The following SORCS2 variants were observed in gnomAD, a reference collection of about 807,000 sequenced individuals.
SORCS2 encodes the protein sortilin related VPS10 domain containing receptor 2, also known as VPS10 domain-containing receptor SorCS2.
A neutral mutation model predicts 141.6 loss-of-function variants in SORCS2; 100 were observed. That is an observed-to-expected ratio of 0.71 (90% CI 0.60 to 0.83). SORCS2 has a LOEUF of 0.83. SORCS2 is among the 40% of genes least tolerant of loss of function. The pLI, the probability that SORCS2 is intolerant of heterozygous loss-of-function variation, is 0.00. For synonymous variants in SORCS2, 789 were observed against 676.9 expected (o/e 1.17, Z -2.57); for missense variants, 1,646 against 1,560.2 (o/e 1.05, Z -0.93).
In SORCS2 at chr4:7,518,842, A is replaced by G. The variant is rs138063711; in HGVS notation, c.549-12688A>G. ...CCCCCATCAAACGCAGCTTCCCCCA[A>G]TTAACCCAGAAGTCGCGGGCTGTGT... On this transcript the variant is annotated intron_variant, in intron 2 of 26. Coordinates refer to ENST00000507866, the MANE Select transcript of SORCS2 (RefSeq NM_020777.3). Among the ~76,000 whole-genome samples the G allele has an allele frequency of 1.5e-3, 231 of 151,928 alleles. 2 individuals carry two copies. The East Asian group carries it at 0.037, about 25-fold the overall frequency.
chr4:7,572,048 C>T (rs1715437422), intron 3 of SORCS2, among the ~76,000 whole-genome samples: 1 of 152,204 alleles, frequency 6.6e-6, no homozygotes, highest in South Asian at 2.1e-4. Flanking sequence ...GGGGCAGCTG[C>T]TGGGTTTGAT....
chr4:7,627,710 G>A (rs2108840988), intron 3 of SORCS2, among the ~76,000 whole-genome samples: 2 of 152,298 alleles, frequency 1.3e-5, no homozygotes, highest in African/African-American at 4.8e-5. Flanking sequence ...TAAGACCTTG[G>A]GCAGGCTGGA....
intron 11 of SORCS2, among the ~76,000 whole-genome samples, chr4:7,694,950 T>C (rs6848579): frequency 0.68 from 103,677 of 151,502 alleles, 35,929 homozygotes; most frequent in East Asian, 0.92. Flanking sequence ...AGGCTCTCCT[T>C]GAGGCTCTCC....
intron 9 of SORCS2, among the ~76,000 whole-genome samples, chr4:7,676,829 C>CTCTCTCTCTCTCT: frequency 7.1e-6 from 1 of 140,534 alleles, no homozygotes; most frequent in Admixed American, 7.2e-5. Flanking sequence ...CTCTCTCTCT[C>CTCTCTCTCTCTCT]CCTCTCTCCA....
chr4:7,649,844 A>G (rs753806562), intron 4 of SORCS2, among the ~76,000 whole-genome samples: 8 of 152,168 alleles, frequency 5.3e-5, no homozygotes, highest in Non-Finnish European at 1.2e-4. Context: ...CAGCAGTGAC[A>G]TCCATGATGT....
chr4:7,667,051 A>T lies in SORCS2; in HGVS notation c.1072-73A>T, dbSNP rs1447758919. On this transcript the variant is annotated intron_variant, in intron 7 of 26. Coordinates refer to ENST00000507866, the MANE Select transcript of SORCS2 (RefSeq NM_020777.3). ...TTTTCACTTGCTGAATATAACATGTAGTTTTTCATTCATGAGACTGTGGCT... is the reference window on the plus strand; with the variant it reads ...TTTTCACTTGCTGAATATAACATGTTGTTTTTCATTCATGAGACTGTGGCT... 6.2e-6 allele frequency: 8 copies of T among 1,300,504 alleles called. No individual in the cohort carries two copies. The African/African-American group carries it at 1.2e-4, about 19-fold the overall frequency. 80.6% of individuals were successfully genotyped at this position (1,300,504 alleles called of 1,614,324 possible). A position where few individuals can be genotyped will look rare whatever the true frequency, so the allele number is the denominator to read the frequency against.
chr4:7,271,714 A>C (rs528842828), intron 1 of SORCS2, among the ~76,000 whole-genome samples: 1 of 152,366 alleles, frequency 6.6e-6, no homozygotes, highest in African/African-American at 2.4e-5. Flanking sequence ...GTGTGGCAGG[A>C]GCTAAGTCCA....
At chr4:7,674,086 G>A (rs1722953607) in intron 8 of SORCS2, among the ~76,000 whole-genome samples, 1 of 152,126 alleles carries the variant, frequency 6.6e-6, no homozygotes, top group African/African-American at 2.4e-5. Flanking sequence ...ACATGCCTCC[G>A]TGGGCTCTGC....
intron 3 of SORCS2, among the ~76,000 whole-genome samples, chr4:7,533,000 G>A (rs1385991582): frequency 6.6e-6 from 1 of 152,006 alleles, no homozygotes; most frequent in Admixed American, 6.6e-5. Flanking sequence ...GGGTTGACCT[G>A]AGCCAGCCCC....
intron 1 of SORCS2, among the ~76,000 whole-genome samples, chr4:7,243,414 G>A (rs367708100): frequency 1.3e-5 from 2 of 152,246 alleles, no homozygotes; most frequent in African/African-American, 4.8e-5. Context: ...ATTTGCTAGG[G>A]GAACTCCCAG....
In SORCS2 at chr4:7,724,861, GGTGGTGGTA is replaced by G. The variant is rs1727052229; in HGVS notation, c.2612-286_2612-278del. 7.0e-5 allele frequency among the ~76,000 whole-genome samples: 7 copies of G among 100,232 alleles called. 1 individual carries two copies. The highest frequency in any genetic ancestry group is 2.7e-4 in the African/African-American group (7 of 26,036). The allele number at this position is 100,232 out of a possible 152,430, so 65.8% of individuals were successfully genotyped here. On this transcript the variant is annotated intron_variant, in intron 19 of 26. Transcript: ENST00000507866. ...TGGAGGTGATGGTGGTAGTGGTGATGGTGGTGGTAGTGGTGATGGTGGTGGTGTTGGTGA... is the reference window on the plus strand; with the variant it reads ...TGGAGGTGATGGTGGTAGTGGTGATGGTGGTGATGGTGGTGGTGTTGGTGA...
At chr4:7,704,328 G>T in intron 14 of SORCS2, 44 bp downstream of exon 14, 1 of 1,516,768 alleles carries the variant, frequency 6.6e-7, no homozygotes, top group Non-Finnish European at 9.0e-7. Context: ...GCAGGGCAGA[G>T]CCATGCTGGG....
At chr4:7,724,105 A>G (rs1205735530) in intron 19 of SORCS2, among the ~76,000 whole-genome samples, 36 of 135,964 alleles carry the variant, frequency 2.6e-4, no homozygotes, top group Non-Finnish European at 4.2e-4. Context: ...TATTGATGAT[A>G]GTGGTGGTGA....
intron 1 of SORCS2, among the ~76,000 whole-genome samples, chr4:7,267,827 G>A (rs934464777): frequency 2.6e-5 from 4 of 152,158 alleles, no homozygotes; most frequent in South Asian, 2.1e-4. Flanking sequence ...GCGAGACTCC[G>A]TCTCAAGAAA....
intron 1 of SORCS2, among the ~76,000 whole-genome samples, chr4:7,292,181 C>T (rs1040498223): frequency 6.6e-6 from 1 of 151,258 alleles, no homozygotes; most frequent in Non-Finnish European, 1.5e-5. Flanking sequence ...GAGGCTCCCC[C>T]CACCATTGAC....
intron 11 of SORCS2, 131 bp from the exon 12 acceptor site, chr4:7,697,067 C>G (rs1379605198): frequency 2.9e-6 from 2 of 699,008 alleles, no homozygotes; most frequent in Non-Finnish European, 4.9e-6. Context: ...GCAGCCACAG[C>G]AGGTCTGTGG....
intron 14 of SORCS2, among the ~76,000 whole-genome samples, chr4:7,710,340 G>C (rs977589804): frequency 6.6e-6 from 1 of 152,174 alleles, no homozygotes; most frequent in Non-Finnish European, 1.5e-5. Flanking sequence ...TGTAAAAGGG[G>C]GCTTGGCAAG....
chr4:7,591,562 CG>C (rs1416808931), intron 3 of SORCS2, among the ~76,000 whole-genome samples: 3 of 152,194 alleles, frequency 2.0e-5, no homozygotes, highest in Admixed American at 2.0e-4. Context: ...CATGCTCTCC[CG>C]GGTGGTCACG....
intron 4 of SORCS2, among the ~76,000 whole-genome samples, chr4:7,639,862 T>TGAGA (rs142814798): frequency 6.6e-6 from 1 of 151,400 alleles, no homozygotes. Context: ...AGGGTGTGTG[T>TGAGA]GATTGCGTGT....
Sources: allele counts gnomAD v4.1 joint callset (sites outside exome capture counted in the v4.1 genomes callset), GRCh38; gene constraint gnomAD v4.1.1; transcripts MANE v1.5; gene names NCBI Gene and HGNC (gene_info 2026-07-23, HGNC 2026-07-21).